IL1RAPL1: variants seen among roughly 807,000 people sequenced by gnomAD.
The protein encoded by IL1RAPL1 is interleukin 1 receptor accessory protein like 1.
Under a neutral mutation model 48.4 loss-of-function variants are expected in IL1RAPL1, and 3 were observed. That is an observed-to-expected ratio of 0.06 (90% CI 0.03 to 0.16). The LOEUF (loss-of-function observed/expected upper bound fraction) is 0.16. Ranked by LOEUF, IL1RAPL1 falls within the 10% of genes least tolerant of loss-of-function variation. The pLI is 1.00. For synonymous variants in IL1RAPL1, 185 were observed against 187.7 expected (o/e 0.99, Z 0.12); for missense variants, 349 against 530.6 (o/e 0.66, Z 3.36).
Position 29,091,132 on chromosome X carries a change from G to A in IL1RAPL1, c.83-191806G>A, listed in dbSNP as rs759474372. 1.3e-4 allele frequency among the ~76,000 whole-genome samples: 14 copies of A among 111,995 alleles called. 1 individual carries two copies. The highest frequency in any genetic ancestry group is 1.2e-3 in the Admixed American group (13 of 10,540). On this transcript the variant is annotated intron_variant, in intron 2 of 10. Coordinates refer to ENST00000378993, the MANE Select transcript of IL1RAPL1 (RefSeq NM_014271.4). ...ATTAATGAACTAGATGCTATCTTTC[G>A]TATTCTTTACTCCTGAATGTGGAAC...
At chrX:29,299,410 TC>T (rs1932499673) in intron 3 of IL1RAPL1, among the ~76,000 whole-genome samples, 1 of 111,972 alleles carries the variant, frequency 8.9e-6, no homozygotes, top group Non-Finnish European at 1.9e-5. Flanking sequence ...TAGTTAATTC[TC>T]ATCATATTCC....
chrX:29,572,795 G>A (rs1374910722), intron 5 of IL1RAPL1, among the ~76,000 whole-genome samples: 1 of 112,215 alleles, frequency 8.9e-6, no homozygotes, highest in African/African-American at 3.2e-5. Flanking sequence ...TTATTAGTAT[G>A]TAGAAAATAC....
At chrX:29,944,149 TTAAC>T (rs1326949404) in intron 9 of IL1RAPL1, among the ~76,000 whole-genome samples, 1 of 111,728 alleles carries the variant, frequency 9.0e-6, no homozygotes, top group Non-Finnish European at 1.9e-5. Context: ...GATAACAAAC[TTAAC>T]TGTCATCTGG....
intron 6 of IL1RAPL1, among the ~76,000 whole-genome samples, chrX:29,734,301 A>C (rs953133552): frequency 8.9e-6 from 1 of 112,548 alleles, no homozygotes; most frequent in African/African-American, 3.2e-5. Context: ...CATTTAAATA[A>C]AGGGACAAAC....
At chrX:29,532,554 G>A (rs776276488) in intron 5 of IL1RAPL1, among the ~76,000 whole-genome samples, 27 of 111,289 alleles carry the variant, frequency 2.4e-4, no homozygotes, top group Non-Finnish European at 4.3e-4. Flanking sequence ...TGCTTAGTTG[G>A]GATCTCTGTA....
chrX:29,712,972 C>T lies in IL1RAPL1; in HGVS notation c.778+44468C>T, dbSNP rs772135187. On this transcript the variant is annotated intron_variant, in intron 6 of 10. Transcript: ENST00000378993. The stretch of plus-strand genomic sequence containing the variant: ...GAAGAACCACTAAACTGTTAAAGGG[C>T]AGGTTTCATTTCAAACAAATTTTTT... Among the ~76,000 whole-genome samples the T allele has an allele frequency of 3.6e-5, 4 of 111,863 alleles. No individual in the cohort carries two copies. In the East Asian group the frequency reaches 1.1e-3, roughly 31 times the overall value.
chrX:29,879,758 A>G (rs1182768281), intron 6 of IL1RAPL1, among the ~76,000 whole-genome samples: 2 of 111,150 alleles, frequency 1.8e-5, no homozygotes. Flanking sequence ...GTTAATAAAA[A>G]TACTCAAATT....
chrX:28,899,544 C>A (rs1923021575), intron 2 of IL1RAPL1, among the ~76,000 whole-genome samples: 1 of 112,248 alleles, frequency 8.9e-6, no homozygotes. Flanking sequence ...GTTTTATTTT[C>A]ACCTGTCTGA....
intron 1 of IL1RAPL1, among the ~76,000 whole-genome samples, chrX:28,593,067 G>C (rs192555300): frequency 9.0e-6 from 1 of 111,685 alleles, no homozygotes; most frequent in East Asian, 2.8e-4. Flanking sequence ...ATGCCACCCT[G>C]GAGTGTCTTA....
chrX:28,796,211 G>A (rs1156666759), intron 2 of IL1RAPL1, among the ~76,000 whole-genome samples: 1 of 111,659 alleles, frequency 9.0e-6, no homozygotes, highest in African/African-American at 3.3e-5. Context: ...TACAGTTTAA[G>A]GTGAGAGTTG....
intron 2 of IL1RAPL1, among the ~76,000 whole-genome samples, chrX:28,846,677 CAT>C (rs1921517957): frequency 8.9e-6 from 1 of 112,032 alleles, no homozygotes; most frequent in Admixed American, 9.5e-5. Flanking sequence ...TCACAAAAAT[CAT>C]ATAGCATTGG....
chrX:28,685,921 CAT>C (rs1935105078), intron 1 of IL1RAPL1, among the ~76,000 whole-genome samples: 1 of 112,103 alleles, frequency 8.9e-6, no homozygotes, highest in Admixed American at 9.5e-5. Context: ...GCTTATGTGA[CAT>C]AGTTCAAGGA....
At chrX:28,764,970 G>T (rs1335800443) in intron 1 of IL1RAPL1, among the ~76,000 whole-genome samples, 1 of 110,585 alleles carries the variant, frequency 9.0e-6, no homozygotes, top group Non-Finnish European at 1.9e-5. Flanking sequence ...ATACTATGCA[G>T]CCATAAAAAA....
intron 3 of IL1RAPL1, among the ~76,000 whole-genome samples, chrX:29,312,127 T>G (rs991956668): frequency 9.0e-6 from 1 of 111,257 alleles, no homozygotes; most frequent in Non-Finnish European, 1.9e-5. Flanking sequence ...GGAGGACAAG[T>G]AGGACATTGT....
intron 2 of IL1RAPL1, among the ~76,000 whole-genome samples, chrX:29,206,395 C>A (rs952102794): frequency 9.1e-5 from 10 of 109,984 alleles, no homozygotes; most frequent in African/African-American, 3.3e-4. Context: ...GTATGTATAA[C>A]CTATATATAG....
intron 5 of IL1RAPL1, among the ~76,000 whole-genome samples, chrX:29,520,844 T>C (rs1412769824): frequency 9.0e-6 from 1 of 111,459 alleles, no homozygotes; most frequent in African/African-American, 3.3e-5. Flanking sequence ...GCTATGATAC[T>C]TAATCTAGGT....
intron 5 of IL1RAPL1, among the ~76,000 whole-genome samples, chrX:29,509,926 G>A (rs920936299): frequency 8.9e-6 from 1 of 111,903 alleles, no homozygotes; most frequent in Non-Finnish European, 1.9e-5. Context: ...GAAATAAAAT[G>A]TCAAGAGTAA....
intron 2 of IL1RAPL1, chrX:28,942,212 G>C (rs767277035): frequency 2.7e-5 from 3 of 109,908 alleles, no homozygotes; most frequent in East Asian, 5.7e-4. Flanking sequence ...GAATTTTCTA[G>C]AGAGATCTTA....
At chrX:29,609,528 A>C (rs188083229) in intron 5 of IL1RAPL1, among the ~76,000 whole-genome samples, 2 of 111,788 alleles carry the variant, frequency 1.8e-5, no homozygotes, top group African/African-American at 6.5e-5. Flanking sequence ...AAGTACCATC[A>C]CATATCTTTC....
Sources: gnomAD v4.1 joint callset for allele counts (sites outside exome capture counted in the v4.1 genomes callset) on GRCh38, gnomAD v4.1.1 for gene constraint, MANE v1.5 for transcripts, NCBI Gene and HGNC (gene_info 2026-07-23, HGNC 2026-07-21) for gene names.